PTPRG: variants seen among roughly 807,000 people sequenced by gnomAD.
The protein encoded by PTPRG is protein tyrosine phosphatase receptor type G.
Under a neutral mutation model 165.3 loss-of-function variants are expected in PTPRG, and 102 were observed. That is an observed-to-expected ratio of 0.62 (90% confidence interval 0.53 to 0.73). The LOEUF (loss-of-function observed/expected upper bound fraction) is 0.73, where lower values mean the gene tolerates loss of function less well. Ranked by LOEUF, PTPRG falls within the 30% of genes least tolerant of loss-of-function variation. The probability of loss-of-function intolerance (pLI) is 0.00; values close to 1 mark genes in which losing one functional copy is unlikely to be tolerated. For missense variants in PTPRG, 1,866 were observed against 1,861.4 expected, an observed-to-expected ratio of 1.00 and a Z score of -0.05; for synonymous variants, 675 against 669.5, an observed-to-expected ratio of 1.01 and a Z score of -0.13.
chr3:62,078,444 T>G (rs1197651976), intron 5 of PTPRG, among the ~76,000 whole-genome samples, 186 bp downstream of exon 5: 1 of 152,136 alleles, frequency 6.6e-6, no homozygotes, highest in African/African-American at 2.4e-5. Context: ...ATAATGAAAA[T>G]TTTTGCATGA....
chr3:61,930,087 C>T (rs1168598427), intron 2 of PTPRG, among the ~76,000 whole-genome samples: 1 of 139,030 alleles, frequency 7.2e-6, no homozygotes. Context: ...CTTTTAAATT[C>T]TCTAAGATCT....
intron 8 of PTPRG, among the ~76,000 whole-genome samples, chr3:62,176,082 C>G (rs1705411671): frequency 1.3e-5 from 2 of 152,146 alleles, no homozygotes; most frequent in Non-Finnish European, 2.9e-5. Flanking sequence ...ACTTATTGTT[C>G]TGGCTGTTAT....
chr3:61,966,580 A>G (rs56242364), intron 2 of PTPRG, among the ~76,000 whole-genome samples: 15,598 of 152,134 alleles, frequency 0.1, 925 homozygotes, highest in East Asian at 0.21. Flanking sequence ...CATGCAAAAC[A>G]TGTAAAGATG....
At chr3:61,644,285 G>A (rs1702142640) in intron 1 of PTPRG, among the ~76,000 whole-genome samples, 1 of 152,228 alleles carries the variant, frequency 6.6e-6, no homozygotes, top group Middle Eastern at 3.4e-3. Context: ...TTTATGCCTT[G>A]TGAAAACTTA....
At chr3:61,949,720 G>A (rs1363735739) in intron 2 of PTPRG, among the ~76,000 whole-genome samples, 3 of 142,788 alleles carry the variant, frequency 2.1e-5, no homozygotes, top group African/African-American at 8.2e-5. Context: ...TAAAGCCTTT[G>A]GATTCTTTGT....
At position 62,003,334 on chromosome 3, in the gene PTPRG, A is replaced by G; in HGVS notation, c.371-15A>G. The G allele has an allele frequency of 6.2e-7, 1 of 1,604,872 alleles. No homozygotes were observed. The highest frequency in any genetic ancestry group is 8.5e-7 in the Non-Finnish European group (1 of 1,176,838). ...ACTCACTTTGTTTTCCTCTCTTCTC[A>G]TTTGTTTCACACAGTCGCCATCCTT... On this transcript the variant is annotated splice_polypyrimidine_tract_variant and intron_variant, in intron 3 of 29. Transcript: ENST00000474889.
chr3:62,020,538 G>A (rs2041665325), intron 4 of PTPRG, among the ~76,000 whole-genome samples: 1 of 152,128 alleles, frequency 6.6e-6, no homozygotes, highest in Non-Finnish European at 1.5e-5. Flanking sequence ...TTGCAAACAA[G>A]TAACACTCTT....
intron 2 of PTPRG, among the ~76,000 whole-genome samples, chr3:61,911,101 C>T (rs1462792012): frequency 6.6e-6 from 1 of 152,214 alleles, no homozygotes; most frequent in African/African-American, 2.4e-5. Flanking sequence ...AGGAAAGCCC[C>T]TCTTGACCTT....
intron 12 of PTPRG, among the ~76,000 whole-genome samples, chr3:62,218,221 TA>T (rs760844070): frequency 2.5e-4 from 38 of 152,308 alleles, no homozygotes; most frequent in Non-Finnish European, 4.3e-4. Context: ...GCTTGAGTGC[TA>T]AATCGTTGAC....
intron 5 of PTPRG, among the ~76,000 whole-genome samples, chr3:62,092,174 A>C (rs938436773): frequency 6.6e-6 from 1 of 151,286 alleles, no homozygotes; most frequent in Non-Finnish European, 1.5e-5. Flanking sequence ...GTCCAGCTGC[A>C]CATGCCTATA....
intron 2 of PTPRG, among the ~76,000 whole-genome samples, chr3:61,885,581 A>G (rs1161455310): frequency 1.3e-5 from 2 of 148,580 alleles, no homozygotes; most frequent in East Asian, 2.0e-4. Context: ...CATTTTATCA[A>G]TGGTAATGCT....
intron 4 of PTPRG, among the ~76,000 whole-genome samples, chr3:62,013,211 C>T (rs536910081): frequency 3.7e-4 from 57 of 152,020 alleles, no homozygotes; most frequent in Non-Finnish European, 6.8e-4. Context: ...AAAAAGGTAT[C>T]GCTGAGACAT....
At chr3:61,738,581 T>G (rs1199057057) in intron 1 of PTPRG, among the ~76,000 whole-genome samples, 4 of 151,358 alleles carry the variant, frequency 2.6e-5, no homozygotes, top group Admixed American at 2.6e-4. Flanking sequence ...AGTCTCGCTC[T>G]GTTGCCCAGG....
chr3:61,792,201 G>A (rs1338934596), intron 2 of PTPRG, among the ~76,000 whole-genome samples: 1 of 151,850 alleles, frequency 6.6e-6, no homozygotes, highest in African/African-American at 2.4e-5. Flanking sequence ...TCTTGAGGCG[G>A]GGAGTTGGGG....
intron 8 of PTPRG, among the ~76,000 whole-genome samples, chr3:62,187,060 G>C (rs929269423): frequency 7.9e-5 from 12 of 152,228 alleles, no homozygotes; most frequent in African/African-American, 2.4e-5. Context: ...TATTGATTGA[G>C]AGCCCACTAC....
chr3:61,810,862 T>C (rs771198254), intron 2 of PTPRG, among the ~76,000 whole-genome samples: 2 of 151,866 alleles, frequency 1.3e-5, no homozygotes, highest in Non-Finnish European at 3.0e-5. Context: ...GCTTTTACTT[T>C]AGCGTTCCAC....
intron 2 of PTPRG, among the ~76,000 whole-genome samples, chr3:61,831,116 TC>T (rs1410036441): frequency 1.3e-5 from 2 of 152,244 alleles, no homozygotes; most frequent in Non-Finnish European, 2.9e-5. Flanking sequence ...CCTTTAGTGA[TC>T]CATCTATTTA....
intron 12 of PTPRG, among the ~76,000 whole-genome samples, chr3:62,218,174 G>A (rs915961093): frequency 1.3e-5 from 2 of 152,126 alleles, no homozygotes; most frequent in Non-Finnish European, 2.9e-5. Context: ...TCTTAGAGTC[G>A]GTGGTTGAGA....
At chr3:61,731,689 A>G (rs1435426688) in intron 1 of PTPRG, among the ~76,000 whole-genome samples, 2 of 152,056 alleles carry the variant, frequency 1.3e-5, no homozygotes, top group Non-Finnish European at 2.9e-5. Flanking sequence ...TTAAAGCCAC[A>G]CATGCCAGAC....
Sources: gnomAD v4.1 joint callset for allele counts (sites outside exome capture counted in the v4.1 genomes callset) on GRCh38, gnomAD v4.1.1 for gene constraint, MANE v1.5 for transcripts, NCBI Gene and HGNC (gene_info 2026-07-23, HGNC 2026-07-21) for gene names.